Variants in ABCG5 observed in about 807,000 individuals in gnomAD.
The protein encoded by ABCG5 is ATP-binding cassette sub-family G member 5.
A neutral mutation model predicts 64.5 loss-of-function variants in ABCG5; 64 were observed. The observed-to-expected ratio is 0.99, with a 90% CI of 0.81 to 1.22. The LOEUF (loss-of-function observed/expected upper bound fraction) is 1.22. ABCG5 is among the 50% of genes most tolerant of loss of function. The probability of loss-of-function intolerance (pLI) is 0.00; values close to 1 mark genes in which losing one functional copy is unlikely to be tolerated. For missense variants in ABCG5, 908 were observed against 829.5 expected (o/e 1.09, Z -1.16); for synonymous variants, 385 against 326.3 (o/e 1.18, Z -1.94).
rs759071636 is a variant in ABCG5, at chr2:43,825,019, C to T, written c.775-1G>A. 3.8e-5 allele frequency: 62 copies of T among 1,613,444 alleles called. No homozygotes were observed. The highest frequency in any genetic ancestry group is 5.0e-5 in the Non-Finnish European group (59 of 1,179,732). Reference sequence around the variant, plus strand: ...TCAGGATGGCAATTTTGTCAAAGAGCTGACCAGACAACAGACGTAGTTAGT... The same window carrying T: ...TCAGGATGGCAATTTTGTCAAAGAGTTGACCAGACAACAGACGTAGTTAGT... On this transcript the variant is annotated splice_acceptor_variant, in intron 6 of 12. Coordinates refer to ENST00000405322, the MANE Select transcript of ABCG5 (RefSeq NM_022436.3). LOFTEE classifies it high-confidence loss of function.
chr2:43,823,111 G>A (rs185967337), intron 9 of ABCG5, among the ~76,000 whole-genome samples, 176 bp from the exon 10 acceptor site: 105 of 137,652 alleles, frequency 7.6e-4, no homozygotes, highest in African/African-American at 2.5e-3. Context: ...TCCCCACCCC[G>A]GAAATCTACA....
chr2:43,816,903 C>A (rs912785404), intron 11 of ABCG5, among the ~76,000 whole-genome samples: 1 of 152,136 alleles, frequency 6.6e-6, no homozygotes, highest in African/African-American at 2.4e-5. Context: ...CACTTCTTCC[C>A]CCAAGAACTT....
rs186966598 is a variant in ABCG5 at position 43,828,952 on chromosome 2, G to A, written c.502-837C>T. Among the ~76,000 whole-genome samples, 955 of 151,862 alleles carry A rather than the reference G, an allele frequency of 6.3e-3. 13 individuals carry two copies. Among genetic ancestry groups the A allele is most frequent in the African/African-American group, 0.022 (901 of 41,414 alleles). On this transcript the variant is annotated intron_variant, in intron 4 of 12. Transcript: ENST00000405322. Reference sequence around the variant, plus strand: ...TGCACTCCAACCTGGGTGACAGAGCGAGACTCCGATTCAAAAAAAATAATA... The same window carrying A: ...TGCACTCCAACCTGGGTGACAGAGCAAGACTCCGATTCAAAAAAAATAATA...
intron 2 of ABCG5, among the ~76,000 whole-genome samples, chr2:43,837,337 T>C (rs1668341034): frequency 6.6e-6 from 1 of 152,100 alleles, no homozygotes; most frequent in Admixed American, 6.5e-5. Flanking sequence ...CTTAGGTTGC[T>C]CTCGAACTCC....
Position 43,812,736 on chromosome 2 carries a change from A to AT in ABCG5, c.*379dup. ...ACTTATGGTCAGGAATCCTTGAAAC[A>AT]TTTTATTTTTGCCTAATCCTTTATC... On this transcript the variant is annotated 3_prime_UTR_variant, in exon 13 of 13. Transcript: ENST00000405322. The AT allele has an allele frequency of 5.1e-6, 1 of 197,934 alleles. No individual in the cohort carries two copies. The highest frequency in any genetic ancestry group is 1.3e-4 in the East Asian group (1 of 7,868). 12.3% of individuals were successfully genotyped at this position (197,934 alleles called of 1,614,324 possible).
rs1370541706 is a variant in ABCG5, at chr2:43,837,868, C to T, written c.231G>A (p.Glu77=). The T allele has an allele frequency of 6.2e-7, 1 of 1,614,146 alleles. No individual in the cohort carries two copies. The highest frequency in any genetic ancestry group is 2.2e-5 in the East Asian group (1 of 44,876). ...QILKDVSLYV[E]SGQIMCILGS... is the part of the protein sequence containing the mutation. ...CTAGGATGCACATGATCTGCCCGCTCTCCACGTACAAGGAGACATCTTTGA... is the reference window on the plus strand; with the variant it reads ...CTAGGATGCACATGATCTGCCCGCTTTCCACGTACAAGGAGACATCTTTGA... Residue 77 remains glutamate, a synonymous_variant, in exon 2 of 13, where the codon GAG becomes GAA. Coordinates refer to ENST00000405322, the MANE Select transcript of ABCG5 (RefSeq NM_022436.3).
In ABCG5 at chr2:43,831,986, G is replaced by C; in HGVS notation, c.363C>G (p.Arg121=). The change falls in exon 3 of 13, where the codon CGC becomes CGG. Residue 121 remains arginine (R), a synonymous_variant. Transcript: ENST00000405322. ...GEVYVNGRAL[R]REQFQDCFSY... is the part of the protein sequence containing the mutation. ...AGAAGCAGTCCTGGAACTGCTCCCGGCGCAGCGCCCGGCCGTTCACATACA... is the reference window on the plus strand; with the variant it reads ...AGAAGCAGTCCTGGAACTGCTCCCGCCGCAGCGCCCGGCCGTTCACATACA... The C allele has an allele frequency of 6.4e-7, 1 of 1,554,094 alleles. No individual in the cohort carries two copies. The highest frequency in any genetic ancestry group is 1.2e-5 in the South Asian group (1 of 84,274).
upstream of ABCG5, chr2:43,838,863 C>A: frequency 7.9e-7 from 1 of 1,258,900 alleles, no homozygotes; most frequent in Non-Finnish European, 1.1e-6. The surrounding 1 kb of genome is among the most constrained non-coding windows in gnomAD (Gnocchi z 4.2). Flanking sequence ...CCAGCGCGTC[C>A]TTATCTTGAC....
Position 43,838,404 on chromosome 2 carries a change from C to A in ABCG5, c.143+133G>T. ...AGCACAGCCCTTCTCCCTCTCCTCT[C>A]TCCACCCGATCCACTAAAGAGGGAG... is the stretch of plus-strand genomic sequence containing the variant. On this transcript the variant is annotated intron_variant, in intron 1 of 12. Transcript: ENST00000405322. This position sits in a 1 kb window ranked among gnomAD's most constrained non-coding sequence, Gnocchi z 4.2. The A allele has an allele frequency of 8.3e-6, 7 of 846,638 alleles. No individual in the cohort carries two copies. In the South Asian group the frequency reaches 1.0e-4, roughly 13 times the overall value. 52.4% of individuals were successfully genotyped at this position (846,638 alleles called of 1,614,324 possible).
chr2:43,813,332 T>C, intron 12 of ABCG5, 23 bp from the exon 13 acceptor site: 2 of 1,536,850 alleles, frequency 1.3e-6, no homozygotes, highest in Non-Finnish European at 1.8e-6. Context: ...AGATTGACAG[T>C]GTCAGGTGTG....
intron 2 of ABCG5, among the ~76,000 whole-genome samples, chr2:43,837,212 T>C (rs6710544): frequency 0.32 from 47,633 of 150,642 alleles, 9,786 homozygotes; most frequent in East Asian, 0.84. Flanking sequence ...CTTAATCTCC[T>C]GGGCTCAAGC....
At position 43,813,225 on chromosome 2, in the gene ABCG5, G is replaced by A. The variant is rs754363595; in HGVS notation, c.1847C>T (p.Ala616Val). Residue 616 changes from alanine (A) to valine (V), a missense_variant, in exon 13 of 13, where the codon GCA (alanine) becomes GTA (valine). Physicochemically the swap from Ala to Val is moderately conservative, Grantham distance 64. Transcript: ENST00000405322. Reference sequence around the variant, plus strand: ...AAAGTTCATTGTGAATCTAGATGTTGCACCTGGGCAGGTTTTCTCAATGAA... The same window carrying A: ...AAAGTTCATTGTGAATCTAGATGTTACACCTGGGCAGGTTTTCTCAATGAA... ...IQFIEKTCPG[A>V]TSRFTMNFLI... is the part of the protein sequence containing the mutation. 1 of 1,612,972 alleles carries A rather than the reference G, an allele frequency of 6.2e-7. No homozygotes were observed. The highest frequency in any genetic ancestry group is 8.5e-7 in the Non-Finnish European group (1 of 1,179,030).
rs1667100317 is a variant in ABCG5, at chr2:43,820,244, T to G, written c.1464-144A>C. 4 of 937,290 alleles carry G rather than the reference T, an allele frequency of 4.3e-6. No individual in the cohort carries two copies. In the East Asian group the frequency reaches 1.1e-4, roughly 25 times the overall value. The allele number at this position is 937,290 out of a possible 1,614,324, so 58.1% of individuals were successfully genotyped here. A position where few individuals can be genotyped will look rare whatever the true frequency, so the allele number is the denominator to read the frequency against. ...AGCCACACTCCCCTTTGAAAGGCCG[T>G]TTTGGAAAGGAGTCAACATGAGACT... On this transcript the variant is annotated intron_variant, in intron 10 of 12. Coordinates refer to ENST00000405322, the MANE Select transcript of ABCG5 (RefSeq NM_022436.3).
rs1192262489 is a variant in ABCG5, at chr2:43,822,811, G to A, written c.1449C>T (p.Ser483=). 6.2e-7 allele frequency: 1 copy of A among 1,614,154 alleles called. No homozygotes were observed. The highest frequency in any genetic ancestry group is 8.5e-7 in the Non-Finnish European group (1 of 1,180,026). Residue 483 remains serine, a synonymous_variant, in exon 10 of 13, where the codon AGC becomes AGT. Coordinates refer to ENST00000405322, the MANE Select transcript of ABCG5 (RefSeq NM_022436.3). The part of the protein sequence containing the change: ...PFSVVATMIF[S]SVCYWTLGLH... The stretch of plus-strand genomic sequence containing the variant: ...CAACCCCTCACCAGTAGCACACACT[G>A]CTGAAAATCATGGTGGCAACAACGC...
At position 43,813,230 on chromosome 2, in the gene ABCG5, T is replaced by G. The variant is rs1023246862; in HGVS notation, c.1842A>C (p.Pro614=). ...QGIQFIEKTC[P]GATSRFTMNF... is the part of the protein sequence containing the mutation. ...TCATTGTGAATCTAGATGTTGCACC[T>G]GGGCAGGTTTTCTCAATGAATTGAA... is the stretch of plus-strand genomic sequence containing the variant. The change falls in exon 13 of 13, where the codon CCA becomes CCC. Residue 614 remains proline (P), a synonymous_variant. Transcript: ENST00000405322. 1 of 1,613,584 alleles carries G rather than the reference T, an allele frequency of 6.2e-7. No individual in the cohort carries two copies. The highest frequency in any genetic ancestry group is 8.5e-7 in the Non-Finnish European group (1 of 1,179,670).
chr2:43,823,008 A>C, intron 9 of ABCG5, 73 bp from the exon 10 acceptor site: 4 of 1,585,320 alleles, frequency 2.5e-6, no homozygotes, highest in East Asian at 2.3e-5. Flanking sequence ...GCCCAAGCTG[A>C]ATGTGAGGTC....
chr2:43,823,044 G>A (rs1667340792), intron 9 of ABCG5, 109 bp from the exon 10 acceptor site: 2 of 1,470,696 alleles, frequency 1.4e-6, no homozygotes, highest in Non-Finnish European at 1.9e-6. Flanking sequence ...GTGAGGACCA[G>A]CTAGGGGGGT....
intron 5 of ABCG5, 99 bp from the exon 6 acceptor site, chr2:43,826,620 C>A: frequency 6.4e-7 from 1 of 1,558,978 alleles, no homozygotes; most frequent in Non-Finnish European, 8.8e-7. Flanking sequence ...AGTTTGTACC[C>A]CATTCAAACA....
In ABCG5 at chr2:43,820,066, C is replaced by A; in HGVS notation, c.1498G>T (p.Gly500Ter). The A allele has an allele frequency of 6.2e-7, 1 of 1,614,078 alleles. No individual in the cohort carries two copies. Among genetic ancestry groups the A allele is most frequent in the Non-Finnish European group, 8.5e-7 (1 of 1,180,006 alleles). ...GCCAAGAGAGCAGCAGAAAAATATC[C>A]AAATCGGGCAACCTCAGGATGTAAG... ...LGLHPEVARFGYFSAALLAPH... is the reference protein window; with the variant it reads ...LGLHPEVARF The change falls in exon 11 of 13, where the codon GGA (glycine) becomes TGA (stop). Residue 500 changes from glycine (G) to a stop codon, truncating the protein, a stop_gained. Transcript: ENST00000405322. LOFTEE classifies it high-confidence loss of function.
Sources: gnomAD v4.1 joint callset for allele counts (sites outside exome capture counted in the v4.1 genomes callset) on GRCh38, gnomAD v4.1.1 for gene constraint, Gnocchi (gnomAD v3.1) non-coding constraint, MANE v1.5 for transcripts, NCBI Gene and HGNC (gene_info 2026-07-23, HGNC 2026-07-21) for gene names.